Variants in MDN1 observed in about 807,000 individuals in gnomAD.
MDN1 encodes the protein midasin AAA ATPase 1, also known as midasin.
In MDN1, 266 loss-of-function variants were observed where a neutral mutation model predicts 669.2. The observed-to-expected ratio is 0.40, with a 90% CI of 0.36 to 0.44. MDN1 has a LOEUF of 0.44. MDN1 is among the 20% of genes least tolerant of loss of function. MDN1 has a pLI of 1.00. For synonymous variants in MDN1, 2,385 were observed against 2,457.1 expected (o/e 0.97, Z 0.87); for missense variants, 5,940 against 6,754.0 (o/e 0.88, Z 4.22).
chr6:89,722,922 G>A (rs1197448946), intron 40 of MDN1, 33 bp downstream of exon 40: 1 of 1,561,004 alleles, frequency 6.4e-7, no homozygotes, highest in Non-Finnish European at 8.7e-7. Flanking sequence ...CTTTCAGATG[G>A]AAAGAAATAC....
At chr6:89,683,770 C>T in intron 72 of MDN1, 61 bp downstream of exon 72, 1 of 1,293,986 alleles carries the variant, frequency 7.7e-7, no homozygotes, top group Non-Finnish European at 1.1e-6. Context: ...TGTCGTTTTG[C>T]TCCCTACCAC....
chr6:89,732,657 T>A lies in MDN1; in HGVS notation c.4842A>T (p.Lys1614Asn). ...DILSWVNFMN[K>N]MGEEAALKRP... is the part of the protein sequence containing the mutation. Reference sequence around the variant, plus strand: ...TTTTCAAAGCAGCTTCCTCCCCCATTTTGTTCATGAAGTTAACCCAGGACA... The same window carrying A: ...TTTTCAAAGCAGCTTCCTCCCCCATATTGTTCATGAAGTTAACCCAGGACA... Residue 1614 changes from lysine (K) to asparagine (N), a missense_variant, in exon 34 of 102, where the codon AAA becomes AAT. By Grantham distance (94) the Lys-to-Asn change is moderately conservative. Coordinates refer to ENST00000369393, the MANE Select transcript of MDN1 (RefSeq NM_014611.3). 3.1e-6 allele frequency: 5 copies of A among 1,613,952 alleles called. No individual in the cohort carries two copies. In the South Asian group the frequency reaches 5.5e-5, roughly 18 times the overall value.
intron 78 of MDN1, 73 bp downstream of exon 78, chr6:89,675,391 T>G: frequency 1.6e-6 from 2 of 1,268,534 alleles, no homozygotes; most frequent in South Asian, 1.3e-5. Flanking sequence ...TCTCCCCACA[T>G]GCAGCAACTC....
intron 65 of MDN1, among the ~76,000 whole-genome samples, chr6:89,689,544 A>G (rs1051994459): frequency 2.0e-5 from 3 of 152,194 alleles, no homozygotes; most frequent in African/African-American, 7.2e-5. Context: ...GACAGCAGAA[A>G]TAATGCTAAG....
Position 89,644,107 on chromosome 6 carries a change from G to T in MDN1, c.16689C>A (p.Phe5563Leu). The change falls in exon 102 of 102, where the codon TTC (phenylalanine) becomes TTA (leucine). Residue 5563 changes from phenylalanine (F) to leucine (L), a missense_variant. By Grantham distance (22) the Phe-to-Leu change is conservative (BLOSUM62 0). Transcript: ENST00000369393. ...EIRSYMEEFP[F>L]PYYIILRDVN... is the part of the protein sequence containing the mutation. Reference sequence around the variant, plus strand: ...CATCTCGAAGAATGATATAGTATGGGAATGGGAACTCTTCCATGTAGGATC... The same window carrying T: ...CATCTCGAAGAATGATATAGTATGGTAATGGGAACTCTTCCATGTAGGATC... 2 of 1,614,012 alleles carry T rather than the reference G, an allele frequency of 1.2e-6. No individual in the cohort carries two copies. The highest frequency in any genetic ancestry group is 1.1e-5 in the South Asian group (1 of 91,076).
chr6:89,744,123 A>C lies in MDN1; in HGVS notation c.4179-409T>G, dbSNP rs1248366796. Among the ~76,000 whole-genome samples, 18 of 59,174 alleles carry C rather than the reference A, an allele frequency of 3.0e-4. 1 individual carries two copies. The highest frequency in any genetic ancestry group is 2.4e-3 in the East Asian group (3 of 1,244). 38.8% of individuals were successfully genotyped at this position (59,174 alleles called of 152,430 possible). A position where few individuals can be genotyped will look rare whatever the true frequency, so the allele number is the denominator to read the frequency against. Reference sequence around the variant, plus strand: ...CTTCTTAAAAAAAAAAAAAAAAAAAAAAAAAAAACCACCACCAAGAGAGGG... The same window carrying C: ...CTTCTTAAAAAAAAAAAAAAAAAAACAAAAAAAACCACCACCAAGAGAGGG... On this transcript the variant is annotated intron_variant, in intron 29 of 101. Transcript: ENST00000369393.
chr6:89,801,752 C>T (rs1038597702), intron 2 of MDN1, among the ~76,000 whole-genome samples: 3 of 151,274 alleles, frequency 2.0e-5, no homozygotes, highest in Non-Finnish European at 4.4e-5. Context: ...CAAGATTGTG[C>T]CACTGCACTC....
At chr6:89,667,648 AC>A (rs1405852311) in intron 84 of MDN1, among the ~76,000 whole-genome samples, 5 of 152,222 alleles carry the variant, frequency 3.3e-5, no homozygotes, top group African/African-American at 1.2e-4. Context: ...AAACCTATTA[AC>A]AGCAAATTTT....
At chr6:89,796,345 A>AC (rs1452699382) in intron 2 of MDN1, among the ~76,000 whole-genome samples, 2 of 149,334 alleles carry the variant, frequency 1.3e-5, no homozygotes, top group East Asian at 1.9e-4. Context: ...AAAAAAAAAA[A>AC]AAAAACAAAA....
chr6:89,672,232 A>C lies in MDN1; in HGVS notation c.13762T>G (p.Tyr4588Asp). 6.2e-7 allele frequency: 1 copy of C among 1,600,934 alleles called. No individual in the cohort carries two copies. Among genetic ancestry groups the C allele is most frequent in the Admixed American group, 1.8e-5 (1 of 55,110 alleles). ...ISELLERLKS[Y>D]GEDGTAAKHL... ...TTTGCTGCTGTGCCATCCTCACCGT[A>C]CGATTTCAGCCTCTCCAACAGCTCG... Residue 4588 changes from tyrosine to aspartate, a missense_variant, in exon 82 of 102, where the codon TAC (tyrosine) becomes GAC (aspartate). Transcript: ENST00000369393.
At chr6:89,758,782 C>T (rs886334144) in intron 18 of MDN1, 34 bp downstream of exon 18, 3 of 1,612,390 alleles carry the variant, frequency 1.9e-6, no homozygotes, top group Non-Finnish European at 2.5e-6. Flanking sequence ...CAGGGCTTGA[C>T]ACCAAGTCAA....
rs1425360313 is a variant in MDN1, at chr6:89,794,666, A to C, written c.465T>G (p.Phe155Leu). 2.5e-6 allele frequency: 4 copies of C among 1,614,052 alleles called. No homozygotes were observed. The highest frequency in any genetic ancestry group is 3.4e-6 in the Non-Finnish European group (4 of 1,180,046). The part of the protein sequence containing the change: ...LRDLMEAAFK[F>L]LQQEQSVFRE... ...GGAACACAGACTGCTCCTGCTGCAGAAACTTGAAGGCTGCTTCCATTAGGT... is the reference window on the plus strand; with the variant it reads ...GGAACACAGACTGCTCCTGCTGCAGCAACTTGAAGGCTGCTTCCATTAGGT... The change falls in exon 3 of 102, where the codon TTT (phenylalanine) becomes TTG (leucine). Residue 155 changes from phenylalanine to leucine, a missense_variant. By Grantham distance (22) the Phe-to-Leu change is conservative. This residue lies in a region of MDN1 where 1,203 missense variants were observed against 1,268.9 expected (regional missense o/e 0.95). Transcript: ENST00000369393.
At chr6:89,804,722 G>A (rs377304792) in intron 1 of MDN1, among the ~76,000 whole-genome samples, 4 of 152,084 alleles carry the variant, frequency 2.6e-5, no homozygotes, top group Admixed American at 2.0e-4. Flanking sequence ...ACTTTGATAC[G>A]GAAGATGAAA....
At chr6:89,720,969 T>C (rs749969688) in intron 40 of MDN1, among the ~76,000 whole-genome samples, 3 of 152,138 alleles carry the variant, frequency 2.0e-5, no homozygotes, top group African/African-American at 4.8e-5. Context: ...ACCACATCTC[T>C]ATTAAAAGTA....
At position 89,807,741 on chromosome 6, in the gene MDN1, G is replaced by A. The variant is rs148119398; in HGVS notation, c.103-4187C>T. On this transcript the variant is annotated intron_variant, in intron 1 of 101. Transcript: ENST00000369393. Reference sequence around the variant, plus strand: ...TGATAATGCCTCACAGATCACTGAAGCATTTTTATTCTGGCTTTTTCCCAC... The same window carrying A: ...TGATAATGCCTCACAGATCACTGAAACATTTTTATTCTGGCTTTTTCCCAC... Among the ~76,000 whole-genome samples the A allele has an allele frequency of 1.2e-4, 18 of 152,228 alleles. No homozygotes were observed. In the East Asian group the frequency reaches 3.5e-3, roughly 29 times the overall value.
chr6:89,755,394 A>G (rs2128319625), intron 20 of MDN1, among the ~76,000 whole-genome samples: 1 of 152,036 alleles, frequency 6.6e-6, no homozygotes, highest in South Asian at 2.1e-4. Flanking sequence ...AAAAAAAAAA[A>G]AAAAATAGAA....
chr6:89,737,814 C>A (rs751580095), intron 33 of MDN1, among the ~76,000 whole-genome samples: 3 of 151,386 alleles, frequency 2.0e-5, no homozygotes, highest in Non-Finnish European at 4.4e-5. Flanking sequence ...ACCTCCACTT[C>A]CCAGGTTCAA....
intron 52 of MDN1, 72 bp from the exon 53 acceptor site, chr6:89,706,264 A>T: frequency 6.8e-7 from 1 of 1,462,434 alleles, no homozygotes; most frequent in Non-Finnish European, 9.2e-7. Context: ...TTTCAAAATA[A>T]ACTGTAATCT....
chr6:89,647,824 G>A (rs1808582843), intron 99 of MDN1, among the ~76,000 whole-genome samples: 1 of 152,142 alleles, frequency 6.6e-6, no homozygotes, highest in South Asian at 2.1e-4. Flanking sequence ...ATGGTAGCAT[G>A]CGCCTGTAGT....
Sources: allele counts gnomAD v4.1 joint callset (sites outside exome capture counted in the v4.1 genomes callset), GRCh38; gene constraint gnomAD v4.1.1; regional missense constraint gnomAD v4.1.1; transcripts MANE v1.5; gene names NCBI Gene and HGNC (gene_info 2026-07-23, HGNC 2026-07-21).